TMC7: variants seen among roughly 807,000 people sequenced by gnomAD.
TMC7 encodes transmembrane channel like 7.
TMC7 carries 54 observed loss-of-function variants against 82.9 expected under a neutral mutation model. That is an observed-to-expected ratio of 0.65 (90% CI 0.52 to 0.82). TMC7 has a LOEUF of 0.82. TMC7 is among the 40% of genes least tolerant of loss of function. The pLI is 0.00. For missense variants in TMC7, 820 were observed against 901.2 expected, an observed-to-expected ratio of 0.91 and a Z score of 1.15; for synonymous variants, 350 against 337.9, an observed-to-expected ratio of 1.04 and a Z score of -0.39.
intron 1 of TMC7, among the ~76,000 whole-genome samples, chr16:18,992,661 A>G (rs2038972870): frequency 6.6e-6 from 1 of 152,278 alleles, no homozygotes. Context: ...TTTAGACATG[A>G]AGTCCTTGCC....
chr16:18,992,696 G>A (rs1443510992), intron 1 of TMC7, among the ~76,000 whole-genome samples: 1 of 152,144 alleles, frequency 6.6e-6, no homozygotes, highest in Non-Finnish European at 1.5e-5. Context: ...GAATGGTATT[G>A]CCTAGGTTTT....
chr16:19,030,217 G>A lies in TMC7; in HGVS notation c.712-7G>A, dbSNP rs372138127. 1.6e-5 allele frequency: 26 copies of A among 1,608,578 alleles called. No individual in the cohort carries two copies. The highest frequency in any genetic ancestry group is 4.1e-4 in the Middle Eastern group (2 of 4,912). On this transcript the variant is annotated splice_polypyrimidine_tract_variant and splice_region_variant and intron_variant, in intron 5 of 15. Transcript: ENST00000304381. The stretch of plus-strand genomic sequence containing the variant: ...AGTCTGACTTCATGCTCTTGGCTTC[G>A]TTTCAGGGTTTCCTGGAGGAAACTA...
chr16:19,056,168 C>A (rs1961760041), intron 13 of TMC7, among the ~76,000 whole-genome samples: 1 of 151,676 alleles, frequency 6.6e-6, no homozygotes, highest in Non-Finnish European at 1.5e-5. Context: ...CTGCTCACTG[C>A]AACCTCCGCC....
chr16:18,990,483 C>A (rs2038930870), intron 1 of TMC7, among the ~76,000 whole-genome samples: 1 of 152,120 alleles, frequency 6.6e-6, no homozygotes, highest in Non-Finnish European at 1.5e-5. Flanking sequence ...TTAGTAGAGA[C>A]AGGGTTTCAC....
chr16:19,014,923 AT>A (rs1959600650), intron 2 of TMC7, among the ~76,000 whole-genome samples: 1 of 151,592 alleles, frequency 6.6e-6, no homozygotes, highest in Non-Finnish European at 1.5e-5. Context: ...ACAAAATATT[AT>A]TTTTCTTTTG....
chr16:19,041,890 T>C (rs564199385), intron 9 of TMC7, among the ~76,000 whole-genome samples: 1 of 152,290 alleles, frequency 6.6e-6, no homozygotes, highest in Non-Finnish European at 1.5e-5. Flanking sequence ...GTTAGGCCTT[T>C]GATTTGTGGA....
At chr16:18,988,398 A>G (rs1412271998) in intron 1 of TMC7, among the ~76,000 whole-genome samples, 2 of 128,564 alleles carry the variant, frequency 1.6e-5, no homozygotes, top group East Asian at 4.8e-4. Flanking sequence ...CAGGTGATCC[A>G]CCCACCTTGG....
intron 13 of TMC7, among the ~76,000 whole-genome samples, chr16:19,053,097 T>G (rs1961610350): frequency 6.6e-6 from 1 of 152,134 alleles, no homozygotes; most frequent in South Asian, 2.1e-4. Context: ...TATAAAAAAT[T>G]CAAGCAGTAC....
At chr16:19,031,864 A>T (rs1364783299) in intron 6 of TMC7, among the ~76,000 whole-genome samples, 3 of 152,124 alleles carry the variant, frequency 2.0e-5, no homozygotes, top group Admixed American at 6.6e-5. Context: ...AAACTCACGG[A>T]GGAGAACCAT....
At chr16:18,986,743 CA>C (rs2038856879) in intron 1 of TMC7, among the ~76,000 whole-genome samples, 1 of 152,040 alleles carries the variant, frequency 6.6e-6, no homozygotes, top group Admixed American at 6.6e-5. Context: ...TCCAGCATAC[CA>C]AGATTGTTTC....
rs1961195556 is a variant in TMC7, at chr16:19,044,942, A to G, written c.1396A>G (p.Ile466Val). 1 of 1,613,930 alleles carries G rather than the reference A, an allele frequency of 6.2e-7. No individual in the cohort carries two copies. Among genetic ancestry groups the G allele is most frequent in the Non-Finnish European group, 8.5e-7 (1 of 1,180,002 alleles). ...CCTGGTGTTCACGCTGGGCTCCAAG[A>G]TCACATCCTGTGATGATGACACATG... is the stretch of plus-strand genomic sequence containing the variant. ...CVLVFTLGSK[I>V]TSCDDDTCDL... The change falls in exon 10 of 16, where the codon ATC (isoleucine) becomes GTC (valine). Residue 466 changes from isoleucine to valine, a missense_variant. Coordinates refer to ENST00000304381, the MANE Select transcript of TMC7 (RefSeq NM_024847.4).
chr16:19,007,928 G>T (rs776718088), intron 1 of TMC7, among the ~76,000 whole-genome samples: 11 of 152,090 alleles, frequency 7.2e-5, no homozygotes, highest in Non-Finnish European at 5.9e-5. Flanking sequence ...CTTAGTTCCA[G>T]ATATGACATA....
At chr16:18,997,706 A>G (rs1320583904) in intron 1 of TMC7, among the ~76,000 whole-genome samples, 1 of 148,476 alleles carries the variant, frequency 6.7e-6, no homozygotes, top group Non-Finnish European at 1.5e-5. Context: ...GGATCTGCAA[A>G]CAACTCCTGT....
chr16:19,002,900 A>C (rs2039166924), intron 1 of TMC7, among the ~76,000 whole-genome samples: 1 of 152,222 alleles, frequency 6.6e-6, no homozygotes, highest in South Asian at 2.1e-4. Context: ...AACTGTAATG[A>C]GATGATCTTA....
intron 4 of TMC7, among the ~76,000 whole-genome samples, chr16:19,022,023 T>TG (rs1403835436): frequency 6.6e-6 from 1 of 152,090 alleles, no homozygotes; most frequent in Non-Finnish European, 1.5e-5. Context: ...GAGTGAGAAA[T>TG]AACCACAAAG....
chr16:19,001,883 C>T (rs1327191075), intron 1 of TMC7, among the ~76,000 whole-genome samples: 1 of 152,176 alleles, frequency 6.6e-6, no homozygotes, highest in Non-Finnish European at 1.5e-5. Flanking sequence ...TCAAACAGAA[C>T]TAATTCCCAT....
chr16:18,984,084 T>G lies in TMC7; in HGVS notation c.21T>G (p.Ser7Arg). Residue 7 changes from serine to arginine, a missense_variant, in exon 1 of 16, where the codon AGT becomes AGG. By Grantham distance (110) the Ser-to-Arg change is moderately radical. Coordinates refer to ENST00000304381, the MANE Select transcript of TMC7 (RefSeq NM_024847.4). MSESSG[S>R]ALQPGRPSRQ... ...CGGCCATGAGCGAGTCCAGCGGCAG[T>G]GCGCTCCAGCCCGGCAGGCCCAGCC... 6.7e-7 allele frequency: 1 copy of G among 1,500,870 alleles called. No homozygotes were observed. Among genetic ancestry groups the G allele is most frequent in the South Asian group, 1.2e-5 (1 of 80,296 alleles). The allele number at this position is 1,500,870 out of a possible 1,614,324, so 93.0% of individuals were successfully genotyped here.
intron 1 of TMC7, among the ~76,000 whole-genome samples, chr16:18,998,615 G>A (rs1157836362): frequency 1.3e-5 from 2 of 152,088 alleles, no homozygotes; most frequent in Admixed American, 6.6e-5. Flanking sequence ...TTAGCCGGGC[G>A]TGGTGGCGGG....
chr16:18,986,519 G>A (rs2038852255), intron 1 of TMC7, among the ~76,000 whole-genome samples: 1 of 152,042 alleles, frequency 6.6e-6, no homozygotes, highest in African/African-American at 2.4e-5. Context: ...TTGCACCACT[G>A]CAGTCTGCCT....
Sources: allele counts gnomAD v4.1 joint callset (sites outside exome capture counted in the v4.1 genomes callset), GRCh38; gene constraint gnomAD v4.1.1; transcripts MANE v1.5; gene names NCBI Gene and HGNC (gene_info 2026-07-23, HGNC 2026-07-21).